Variants in DDHD1 observed in about 807,000 individuals in gnomAD.
DDHD1 encodes the protein DDHD domain containing 1, also known as phospholipase DDHD1.
In DDHD1, 49 loss-of-function variants were observed where a neutral mutation model predicts 96.4. The ratio of observed to expected loss-of-function variants is 0.51; its 90% confidence interval spans 0.40 to 0.64. DDHD1 has a LOEUF of 0.64. Ranked by LOEUF, DDHD1 falls within the 30% of genes least tolerant of loss-of-function variation. DDHD1 has a pLI of 0.00. For missense variants in DDHD1, 1,106 were observed against 1,161.2 expected (o/e 0.95, Z 0.69); for synonymous variants, 442 against 446.5 (o/e 0.99, Z 0.13).
In DDHD1 at chr14:53,152,964, G is replaced by C. The variant is rs765822432; in HGVS notation, c.135C>G (p.Pro45=). 1.3e-6 allele frequency: 2 copies of C among 1,584,978 alleles called. No individual in the cohort carries two copies. The highest frequency in any genetic ancestry group is 2.3e-5 in the South Asian group (2 of 87,846). Residue 45 remains proline, a synonymous_variant, in exon 1 of 13, where the codon CCC becomes CCG. Coordinates refer to ENST00000673822, the MANE Select transcript of DDHD1 (RefSeq NM_001160148.2). ...GGGVCCFEHL[P]GGDPDDGDVP... is the part of the protein sequence containing the mutation. ...CGTCGCCGTCGTCCGGGTCCCCGCC[G>C]GGCAGGTGCTCGAAGCAGCAGACGC...
intron 1 of DDHD1, among the ~76,000 whole-genome samples, chr14:53,132,513 G>GCT (rs963822358): frequency 1.3e-5 from 2 of 152,080 alleles, no homozygotes; most frequent in African/African-American, 4.8e-5. Flanking sequence ...TGAGTCTACC[G>GCT]CTCTGCCCCC....
chr14:53,044,108 T>G lies in DDHD1; in HGVS notation c.*2660A>C, dbSNP rs2139796104. 6.6e-6 allele frequency: 1 copy of G among 152,322 alleles called. No individual in the cohort carries two copies. The highest frequency in any genetic ancestry group is 2.1e-4 in the South Asian group (1 of 4,824). 9.4% of individuals were successfully genotyped at this position (152,322 alleles called of 1,614,324 possible). Reference sequence around the variant, plus strand: ...GAATGACACACAGTCTGTATATTAATTAAGTATATACAAATACATCCAATG... The same window carrying G: ...GAATGACACACAGTCTGTATATTAAGTAAGTATATACAAATACATCCAATG... On this transcript the variant is annotated 3_prime_UTR_variant, in exon 13 of 13. Transcript: ENST00000673822.
intron 9 of DDHD1, 43 bp from the exon 10 acceptor site, chr14:53,055,955 C>G: frequency 6.5e-7 from 1 of 1,544,536 alleles, no homozygotes; most frequent in East Asian, 2.3e-5. Flanking sequence ...AGTGTTAAAT[C>G]ACAATGCTTG....
chr14:53,061,411 CATG>C (rs1883543397), intron 7 of DDHD1: 2 of 422,082 alleles, frequency 4.7e-6, no homozygotes, highest in South Asian at 5.6e-5. Context: ...CGCTAGTTGT[CATG>C]ATACCTGCTG....
intron 9 of DDHD1, 31 bp from the exon 10 acceptor site, chr14:53,055,943 A>G: frequency 6.3e-7 from 1 of 1,577,608 alleles, no homozygotes; most frequent in East Asian, 2.2e-5. Flanking sequence ...TCAAAGAAAC[A>G]CAGTGTTAAA....
intron 1 of DDHD1, among the ~76,000 whole-genome samples, chr14:53,129,926 C>T (rs151059631): frequency 5.9e-5 from 9 of 152,322 alleles, no homozygotes; most frequent in East Asian, 3.9e-4. Context: ...AGGTGCCCGA[C>T]GTCCAGGCAT....
intron 12 of DDHD1, chr14:53,048,947 T>C (rs1389651160): frequency 6.6e-6 from 1 of 152,234 alleles, no homozygotes; most frequent in East Asian, 1.9e-4. Context: ...AAGACTTCAC[T>C]TTCAAATGCC....
At chr14:53,139,090 ACCACACCCACAC>A (rs1285637729) in intron 1 of DDHD1, among the ~76,000 whole-genome samples, 15 of 142,108 alleles carry the variant, frequency 1.1e-4, no homozygotes, top group African/African-American at 1.6e-4. Flanking sequence ...AAAAAAAAAA[ACCACACCCACAC>A]CCACACCCAC....
intron 6 of DDHD1, among the ~76,000 whole-genome samples, chr14:53,068,875 T>C (rs937172003): frequency 2.0e-5 from 3 of 152,228 alleles, no homozygotes; most frequent in Admixed American, 6.5e-5. Context: ...ATGATTTGTG[T>C]CCAGTCTTCT....
At chr14:53,057,595 T>G (rs1883170110) in intron 9 of DDHD1, among the ~76,000 whole-genome samples, 1 of 152,204 alleles carries the variant, frequency 6.6e-6, no homozygotes, top group African/African-American at 2.4e-5. Flanking sequence ...GAGCAGGATT[T>G]TTAAGATTTA....
At chr14:53,134,085 A>G (rs1466558636) in intron 1 of DDHD1, among the ~76,000 whole-genome samples, 1 of 152,002 alleles carries the variant, frequency 6.6e-6, no homozygotes, top group Non-Finnish European at 1.5e-5. Context: ...ACATCCCTTC[A>G]TTCTATTAGG....
At chr14:53,069,826 T>C (rs920089391) in intron 6 of DDHD1, among the ~76,000 whole-genome samples, 3 of 152,178 alleles carry the variant, frequency 2.0e-5, no homozygotes, top group African/African-American at 7.2e-5. Flanking sequence ...TCAGGGATGT[T>C]TGAAAATCAC....
At chr14:53,048,545 G>C (rs1882250071) in intron 12 of DDHD1, 1 of 151,902 alleles carries the variant, frequency 6.6e-6, no homozygotes, top group Admixed American at 6.6e-5. Context: ...TCACTATGTT[G>C]GCCAGGCTGG....
chr14:53,048,243 GAGA>G (rs1478196818), intron 12 of DDHD1, among the ~76,000 whole-genome samples: 1 of 151,910 alleles, frequency 6.6e-6, no homozygotes, highest in Non-Finnish European at 1.5e-5. Flanking sequence ...CACATTTTCA[GAGA>G]AGGTTTACAT....
chr14:53,138,562 A>G (rs1239798197), intron 1 of DDHD1, among the ~76,000 whole-genome samples: 1 of 152,252 alleles, frequency 6.6e-6, no homozygotes, highest in Non-Finnish European at 1.5e-5. Flanking sequence ...GTATGCTAAT[A>G]AGGTTCTTCC....
At chr14:53,078,993 T>A (rs1480690647) in intron 4 of DDHD1, among the ~76,000 whole-genome samples, 2 of 152,084 alleles carry the variant, frequency 1.3e-5, no homozygotes, top group Non-Finnish European at 2.9e-5. Context: ...ATTCTACACA[T>A]GTGGTGGATT....
At chr14:53,080,944 T>G (rs1885420326) in intron 4 of DDHD1, among the ~76,000 whole-genome samples, 1 of 152,210 alleles carries the variant, frequency 6.6e-6, no homozygotes, top group Admixed American at 6.5e-5. Context: ...TATCCTTGTG[T>G]GAGAAATGGA....
chr14:53,147,324 G>A (rs890788098), intron 1 of DDHD1, among the ~76,000 whole-genome samples: 6 of 152,170 alleles, frequency 3.9e-5, no homozygotes, highest in East Asian at 1.9e-4. Context: ...CATACTCAAG[G>A]TCTCTTTTAT....
chr14:53,069,067 TC>T (rs920192490), intron 6 of DDHD1, among the ~76,000 whole-genome samples: 82 of 152,236 alleles, frequency 5.4e-4, no homozygotes, highest in Admixed American at 1.2e-3. Context: ...ATTTTGGTGC[TC>T]AAATGTTCCA....
Sources: gnomAD v4.1 joint callset for allele counts (sites outside exome capture counted in the v4.1 genomes callset) on GRCh38, gnomAD v4.1.1 for gene constraint, MANE v1.5 for transcripts, NCBI Gene and HGNC (gene_info 2026-07-23, HGNC 2026-07-21) for gene names.